The following CCDC91 variants were observed in gnomAD, a reference collection of about 807,000 sequenced individuals.
CCDC91 encodes coiled-coil domain containing 91.
Under a neutral mutation model 63.2 loss-of-function variants are expected in CCDC91, and 48 were observed. That is an observed-to-expected ratio of 0.76 (90% confidence interval 0.60 to 0.97). CCDC91 has a LOEUF of 0.97. Ranked by LOEUF, CCDC91 falls within the 50% of genes least tolerant of loss-of-function variation. CCDC91 has a pLI of 0.00. For synonymous variants in CCDC91, 167 were observed against 165.8 expected (o/e 1.01, Z -0.06); for missense variants, 500 against 494.6 (o/e 1.01, Z -0.10).
At chr12:28,335,241 TA>T (rs1053189859) in intron 6 of CCDC91, among the ~76,000 whole-genome samples, 43 of 133,798 alleles carry the variant, frequency 3.2e-4, no homozygotes, top group African/African-American at 1.1e-3. Context: ...ATAGTATACT[TA>T]TATAATATAT....
chr12:28,268,137 C>T (rs1947482836), intron 3 of CCDC91, among the ~76,000 whole-genome samples: 1 of 150,538 alleles, frequency 6.6e-6, no homozygotes, highest in Non-Finnish European at 1.5e-5. Context: ...AATCTTGGCT[C>T]ACTGCAACCT....
intron 3 of CCDC91, among the ~76,000 whole-genome samples, chr12:28,276,295 T>C (rs1487618570): frequency 2.0e-5 from 3 of 152,052 alleles, no homozygotes; most frequent in Non-Finnish European, 4.4e-5. Context: ...GGAATTATTA[T>C]TGGTAATGAT....
chr12:28,328,554 G>C (rs917182486), intron 6 of CCDC91, among the ~76,000 whole-genome samples: 1 of 152,116 alleles, frequency 6.6e-6, no homozygotes, highest in African/African-American at 2.4e-5. Context: ...TTGCATAGTG[G>C]AAGTTGTATA....
chr12:28,255,353 A>T (rs1946376957), intron 1 of CCDC91, among the ~76,000 whole-genome samples: 1 of 152,274 alleles, frequency 6.6e-6, no homozygotes, highest in African/African-American at 2.4e-5. Flanking sequence ...GATGCTAAAA[A>T]TTTTTTGTTT....
chr12:28,391,563 A>T (rs1945948044), intron 8 of CCDC91, 152 bp downstream of exon 8: 1 of 519,298 alleles, frequency 1.9e-6, no homozygotes, highest in African/African-American at 2.0e-5. Flanking sequence ...TGAGAATTTT[A>T]TGACAGACTC....
At chr12:28,201,345 A>C (rs12559329) in intron 1 of CCDC91, among the ~76,000 whole-genome samples, 4 of 148,558 alleles carry the variant, frequency 2.7e-5, no homozygotes, top group African/African-American at 7.5e-5. Flanking sequence ...CTCACCTCCC[A>C]GACGGGGTCG....
intron 8 of CCDC91, among the ~76,000 whole-genome samples, chr12:28,419,275 C>T (rs1947861716): frequency 6.6e-6 from 1 of 152,108 alleles, no homozygotes; most frequent in Admixed American, 6.6e-5. Flanking sequence ...CATTTAATCT[C>T]ACTTTATTCT....
chr12:28,491,771 C>T (rs940043510), intron 12 of CCDC91, among the ~76,000 whole-genome samples: 1 of 151,464 alleles, frequency 6.6e-6, no homozygotes, highest in Non-Finnish European at 1.5e-5. Flanking sequence ...GCTCATAAAG[C>T]TCAGATTATT....
chr12:28,298,128 T>G (rs1217364867), intron 3 of CCDC91, among the ~76,000 whole-genome samples: 10 of 151,010 alleles, frequency 6.6e-5, no homozygotes, highest in Admixed American at 6.6e-4. Context: ...TATTCATTTG[T>G]TTTCTCATTT....
chr12:28,398,719 T>C (rs769229281), intron 8 of CCDC91, among the ~76,000 whole-genome samples: 42 of 152,278 alleles, frequency 2.8e-4, no homozygotes, highest in Admixed American at 1.2e-3. Context: ...GGGAATGGGG[T>C]GTGGTATTTC....
intron 12 of CCDC91, among the ~76,000 whole-genome samples, chr12:28,508,572 C>G (rs1592896774): frequency 6.6e-6 from 1 of 151,868 alleles, no homozygotes; most frequent in Non-Finnish European, 1.5e-5. Context: ...GCCCTACCTC[C>G]TTTTATTGAT....
chr12:28,306,701 A>T (rs1055410685), intron 4 of CCDC91, 41 bp from the exon 5 acceptor site: 14 of 1,418,380 alleles, frequency 9.9e-6, no homozygotes, highest in Non-Finnish European at 1.4e-5. Context: ...GTATAGTGTA[A>T]ACTTTCCTCT....
At position 28,230,749 on chromosome 12, in the gene CCDC91, A is replaced by G. The variant is rs1850280941; in HGVS notation, c.-14-26453A>G. On this transcript the variant is annotated intron_variant, in intron 1 of 12. Transcript: ENST00000536442. ...AAGTGATCCTCCTGCAACAGCATCC[A>G]AGTAACTGGGACTACAGGTGTGTAC... 5.3e-5 allele frequency among the ~76,000 whole-genome samples: 8 copies of G among 152,160 alleles called. No homozygotes were observed. In the South Asian group the frequency reaches 1.7e-3, roughly 32 times the overall value.
chr12:28,360,326 C>T (rs1283824977), intron 6 of CCDC91, among the ~76,000 whole-genome samples: 1 of 152,154 alleles, frequency 6.6e-6, no homozygotes, highest in Admixed American at 6.5e-5. Context: ...TGGACAAGAA[C>T]TATCAGCATT....
intron 1 of CCDC91, among the ~76,000 whole-genome samples, chr12:28,231,783 T>G (rs1258758196): frequency 6.6e-6 from 1 of 152,182 alleles, no homozygotes; most frequent in Non-Finnish European, 1.5e-5. Context: ...CACTTTATTC[T>G]TGTTTATATG....
intron 8 of CCDC91, among the ~76,000 whole-genome samples, chr12:28,395,959 G>A (rs1203841439): frequency 1.3e-5 from 2 of 152,076 alleles, no homozygotes; most frequent in African/African-American, 2.4e-5. Context: ...CATGGCACTC[G>A]GCTTGGTTAT....
At chr12:28,430,096 C>T (rs145563312) in intron 8 of CCDC91, among the ~76,000 whole-genome samples, 1 of 151,814 alleles carries the variant, frequency 6.6e-6, no homozygotes, top group African/African-American at 2.4e-5. Flanking sequence ...AATACTATTA[C>T]AAATATTTAT....
intron 3 of CCDC91, among the ~76,000 whole-genome samples, chr12:28,282,424 T>G (rs1948668575): frequency 6.6e-6 from 1 of 152,172 alleles, no homozygotes; most frequent in African/African-American, 2.4e-5. Flanking sequence ...TCCAAGTTGT[T>G]GCAAAAGACA....
At chr12:28,386,609 C>T (rs1945617664) in intron 7 of CCDC91, among the ~76,000 whole-genome samples, 1 of 152,132 alleles carries the variant, frequency 6.6e-6, no homozygotes, top group Non-Finnish European at 1.5e-5. Flanking sequence ...CATCGTGATC[C>T]GCCCGCCTCG....
Sources: allele counts gnomAD v4.1 joint callset (sites outside exome capture counted in the v4.1 genomes callset), GRCh38; gene constraint gnomAD v4.1.1; transcripts MANE v1.5; gene names NCBI Gene and HGNC (gene_info 2026-07-23, HGNC 2026-07-21).